Variants in GRID2 observed in about 807,000 individuals in gnomAD.
GRID2 encodes glutamate ionotropic receptor delta type subunit 2, also known as glutamate receptor ionotropic, delta-2.
Under a neutral mutation model 114.8 loss-of-function variants are expected in GRID2, and 33 were observed. The observed-to-expected ratio is 0.29, with a 90% confidence interval of 0.22 to 0.38. The LOEUF (loss-of-function observed/expected upper bound fraction) is 0.38, where lower values mean the gene tolerates loss of function less well. GRID2 is among the 10% of genes least tolerant of loss of function. The pLI, the probability that GRID2 is intolerant of heterozygous loss-of-function variation, is 1.00. For synonymous variants in GRID2, 505 were observed against 449.9 expected (o/e 1.12, Z -1.55); for missense variants, 1,184 against 1,257.7 (o/e 0.94, Z 0.89).
intron 2 of GRID2, among the ~76,000 whole-genome samples, chr4:92,944,289 C>T (rs1452960242): frequency 6.6e-6 from 1 of 152,200 alleles, no homozygotes; most frequent in Non-Finnish European, 1.5e-5. Context: ...GCCCCTCCCC[C>T]AGCCTTGCTG....
At chr4:93,111,403 G>A (rs1180445692) in intron 4 of GRID2, among the ~76,000 whole-genome samples, 1 of 152,132 alleles carries the variant, frequency 6.6e-6, no homozygotes, top group African/African-American at 2.4e-5. Flanking sequence ...TATCTTCTCT[G>A]TGAACTTTGT....
intron 2 of GRID2, among the ~76,000 whole-genome samples, chr4:93,018,349 A>G (rs1488417396): frequency 6.6e-6 from 1 of 152,078 alleles, no homozygotes; most frequent in African/African-American, 2.4e-5. Context: ...TAACAGTGTC[A>G]TTACTTATTA....
At chr4:93,470,848 C>A (rs540591661) in intron 11 of GRID2, among the ~76,000 whole-genome samples, 1 of 152,052 alleles carries the variant, frequency 6.6e-6, no homozygotes, top group South Asian at 2.1e-4. Flanking sequence ...ATTAGCTAAA[C>A]AGTCTTATTA....
At chr4:92,382,227 T>C (rs1729652528) in intron 1 of GRID2, among the ~76,000 whole-genome samples, 1 of 150,496 alleles carries the variant, frequency 6.6e-6, no homozygotes, top group Admixed American at 6.6e-5. Context: ...AAATACTATA[T>C]TTTTAAAGAG....
At chr4:93,260,663 A>T (rs1750156118) in intron 8 of GRID2, among the ~76,000 whole-genome samples, 1 of 151,834 alleles carries the variant, frequency 6.6e-6, no homozygotes, top group South Asian at 2.1e-4. Context: ...GCTTTATATT[A>T]TGGTAGTCAT....
rs535552327 is a variant in GRID2 at position 93,343,302 on chromosome 4, G to A, written c.1246-52305G>A. 1.7e-4 allele frequency among the ~76,000 whole-genome samples: 26 copies of A among 152,068 alleles called. 1 individual carries two copies. In the South Asian group the frequency reaches 5.4e-3, roughly 32 times the overall value. On this transcript the variant is annotated intron_variant, in intron 8 of 15. Coordinates refer to ENST00000282020, the MANE Select transcript of GRID2 (RefSeq NM_001510.4). The stretch of plus-strand genomic sequence containing the variant: ...ATTCACATCTGACTATTTGAATTGG[G>A]ATGTGTTTTCTTTAATTATTTTGTA...
intron 13 of GRID2, among the ~76,000 whole-genome samples, chr4:93,614,746 A>T (rs13137472): frequency 0.31 from 46,344 of 151,942 alleles, 7,788 homozygotes; most frequent in African/African-American, 0.43. Context: ...CTTTGCTGAC[A>T]CCGTGCTGGA....
chr4:92,800,100 G>A (rs1740080769), intron 2 of GRID2, among the ~76,000 whole-genome samples: 1 of 151,816 alleles, frequency 6.6e-6, no homozygotes. Context: ...CTCTGATTAG[G>A]TAATCTCATT....
chr4:93,258,614 T>C (rs936018021), intron 8 of GRID2, among the ~76,000 whole-genome samples: 1 of 151,798 alleles, frequency 6.6e-6, no homozygotes, highest in African/African-American at 2.4e-5. Flanking sequence ...TAGTGCATTA[T>C]GATAAGATTT....
intron 1 of GRID2, among the ~76,000 whole-genome samples, chr4:92,319,740 C>T (rs1726206196): frequency 6.6e-6 from 1 of 152,180 alleles, no homozygotes; most frequent in African/African-American, 2.4e-5. Flanking sequence ...CCCTGAATTT[C>T]AAGGACTAAT....
rs564578948 is a variant in GRID2, at chr4:93,362,619, T to C, written c.1246-32988T>C. Among the ~76,000 whole-genome samples the C allele has an allele frequency of 5.9e-5, 9 of 152,240 alleles. No homozygotes were observed. The East Asian group carries it at 1.7e-3, about 29-fold the overall frequency. On this transcript the variant is annotated intron_variant, in intron 8 of 15. Coordinates refer to ENST00000282020, the MANE Select transcript of GRID2 (RefSeq NM_001510.4). Reference sequence around the variant, plus strand: ...CTTAAAGCTTTTGTTCAATAAGCTATGTAGGGAAGAAAAATCTGGGCAAGG... The same window carrying C: ...CTTAAAGCTTTTGTTCAATAAGCTACGTAGGGAAGAAAAATCTGGGCAAGG...
At chr4:92,863,843 A>T (rs965899450) in intron 2 of GRID2, among the ~76,000 whole-genome samples, 1 of 152,106 alleles carries the variant, frequency 6.6e-6, no homozygotes, top group African/African-American at 2.4e-5. Flanking sequence ...CGCACTCTCG[A>T]TGTTATTTAA....
At chr4:92,525,204 C>T (rs1485120259) in intron 1 of GRID2, among the ~76,000 whole-genome samples, 1 of 150,958 alleles carries the variant, frequency 6.6e-6, no homozygotes, top group Non-Finnish European at 1.5e-5. Context: ...AGTAAAAGAA[C>T]CAAAAGAGAA....
chr4:92,866,206 T>G (rs1384891092), intron 2 of GRID2, among the ~76,000 whole-genome samples: 1 of 152,160 alleles, frequency 6.6e-6, no homozygotes, highest in Non-Finnish European at 1.5e-5. Flanking sequence ...TTACAGTCCA[T>G]CATCACTCAA....
intron 1 of GRID2, among the ~76,000 whole-genome samples, chr4:92,400,774 A>G (rs1414934300): frequency 6.6e-6 from 1 of 152,026 alleles, no homozygotes; most frequent in Non-Finnish European, 1.5e-5. Context: ...CACTTATTGC[A>G]TGCCTTGAAA....
intron 13 of GRID2, among the ~76,000 whole-genome samples, chr4:93,619,770 CA>C (rs1029949830): frequency 2.6e-5 from 4 of 152,006 alleles, no homozygotes; most frequent in African/African-American, 9.7e-5. Flanking sequence ...CTTAAAAGCC[CA>C]ATTTTTTTTT....
At chr4:93,784,185 C>T (rs1023287198) in intron 1 of GRID2, among the ~76,000 whole-genome samples, 2 of 150,034 alleles carry the variant, frequency 1.3e-5, no homozygotes, top group Admixed American at 1.3e-4. Flanking sequence ...AGTTTAAGCA[C>T]ATGCTAGCCT....
In GRID2 at chr4:92,361,011, C is replaced by A. The variant is rs534071559; in HGVS notation, c.88+56267C>A. Among the ~76,000 whole-genome samples, 14 of 152,092 alleles carry A rather than the reference C, an allele frequency of 9.2e-5. No individual in the cohort carries two copies. In the South Asian group the frequency reaches 2.5e-3, roughly 27 times the overall value. ...TCTTCTACTTTTTTATTCTTTAACA[C>A]ACCCATAACTGAGTTTTGTAATTAT... On this transcript the variant is annotated intron_variant, in intron 1 of 15. Coordinates refer to ENST00000282020, the MANE Select transcript of GRID2 (RefSeq NM_001510.4).
intron 1 of GRID2, among the ~76,000 whole-genome samples, chr4:92,488,932 G>T (rs1579453919): frequency 6.6e-6 from 1 of 152,146 alleles, no homozygotes; most frequent in Non-Finnish European, 1.5e-5. Context: ...TGCGACTACA[G>T]TAGAACAACA....
Sources: allele counts gnomAD v4.1 joint callset (sites outside exome capture counted in the v4.1 genomes callset), GRCh38; gene constraint gnomAD v4.1.1; transcripts MANE v1.5; gene names NCBI Gene and HGNC (gene_info 2026-07-23, HGNC 2026-07-21).